Variants in UNC80 observed in about 807,000 individuals in gnomAD.
UNC80 encodes the protein protein unc-80 homolog.
Under a neutral mutation model 384.6 loss-of-function variants are expected in UNC80, and 164 were observed. The observed-to-expected ratio is 0.43, with a 90% CI of 0.38 to 0.49. The LOEUF (loss-of-function observed/expected upper bound fraction) is 0.49. Ranked by LOEUF, UNC80 falls within the 20% of genes least tolerant of loss-of-function variation. UNC80 has a pLI of 0.00. For missense variants in UNC80, 3,330 were observed against 4,143.0 expected (o/e 0.80, Z 5.39); for synonymous variants, 1,486 against 1,527.8 (o/e 0.97, Z 0.64).
chr2:209,807,666 C>G (rs2078994400), intron 7 of UNC80, among the ~76,000 whole-genome samples: 1 of 152,086 alleles, frequency 6.6e-6, no homozygotes, highest in Non-Finnish European at 1.5e-5. Context: ...CCTGGCCTCC[C>G]TCATGTCATT....
intron 59 of UNC80, among the ~76,000 whole-genome samples, chr2:209,981,689 T>C (rs925716787): frequency 9.2e-5 from 14 of 152,258 alleles, no homozygotes; most frequent in Admixed American, 8.5e-4. Context: ...CATTTATTTC[T>C]TAACTTTATA....
At chr2:209,919,109 A>G (rs2089817192) in intron 33 of UNC80, among the ~76,000 whole-genome samples, 2 of 152,210 alleles carry the variant, frequency 1.3e-5, no homozygotes, top group South Asian at 4.1e-4. Flanking sequence ...TCATCATCAC[A>G]GACATCACTC....
intron 23 of UNC80, among the ~76,000 whole-genome samples, chr2:209,873,449 T>C (rs1329886306): frequency 1.3e-5 from 2 of 152,222 alleles, no homozygotes; most frequent in Non-Finnish European, 2.9e-5. Flanking sequence ...TGTGCCTCCT[T>C]TAAGTTGCCT....
chr2:209,911,198 G>A (rs971968563), intron 29 of UNC80, among the ~76,000 whole-genome samples: 1 of 152,016 alleles, frequency 6.6e-6, no homozygotes, highest in Non-Finnish European at 1.5e-5. Context: ...AGAGGTGCCA[G>A]TTTTTAGTAT....
chr2:209,973,929 T>C (rs1233501433), intron 56 of UNC80, among the ~76,000 whole-genome samples: 1 of 152,176 alleles, frequency 6.6e-6, no homozygotes, highest in Non-Finnish European at 1.5e-5. Context: ...TCCCAATCCC[T>C]TTCCCTCTTT....
intron 61 of UNC80, among the ~76,000 whole-genome samples, chr2:209,986,282 A>G (rs950619302): frequency 6.6e-6 from 1 of 152,214 alleles, no homozygotes; most frequent in East Asian, 1.9e-4. Flanking sequence ...AGTAGAGAGT[A>G]TTGAATCAGA....
rs80205513 is a variant in UNC80 at position 209,784,086 on chromosome 2, C to T, written c.601-1980C>T. On this transcript the variant is annotated intron_variant, in intron 4 of 64. Coordinates refer to ENST00000673920, the MANE Select transcript of UNC80 (RefSeq NM_001371986.1). ...TACCTATCTTTCTTAATCGTGAAGC[C>T]AAAAATCCTTGACAACTTTTTCTCT... 7.7e-3 allele frequency among the ~76,000 whole-genome samples: 1,173 copies of T among 152,146 alleles called. 6 individuals carry two copies. Among genetic ancestry groups the T allele is most frequent in the South Asian group, 0.019 (91 of 4,812 alleles).
At chr2:209,842,523 A>G (rs1404045742) in intron 21 of UNC80, 77 bp downstream of exon 21, 1 of 993,436 alleles carries the variant, frequency 1.0e-6, no homozygotes, top group East Asian at 2.6e-5. Flanking sequence ...TAAGTGGTCC[A>G]TTTTCTATTT....
intron 4 of UNC80, among the ~76,000 whole-genome samples, chr2:209,778,257 G>T (rs768126447): frequency 6.6e-6 from 1 of 152,068 alleles, no homozygotes; most frequent in African/African-American, 2.4e-5. Flanking sequence ...ACAAAAATTA[G>T]CCAGGCGTAG....
At chr2:209,866,525 C>CACACACAT (rs1553556885) in intron 22 of UNC80, among the ~76,000 whole-genome samples, 59 of 110,200 alleles carry the variant, frequency 5.4e-4, no homozygotes, top group African/African-American at 2.3e-3. Flanking sequence ...CACACACACA[C>CACACACAT]ACACACACAG....
At position 209,877,295 on chromosome 2, in the gene UNC80, G is replaced by C. The variant is rs530121456; in HGVS notation, c.3841-659G>C. Among the ~76,000 whole-genome samples, 6 of 152,282 alleles carry C rather than the reference G, an allele frequency of 3.9e-5. 1 individual carries two copies. The South Asian group carries it at 1.2e-3, about 32-fold the overall frequency. On this transcript the variant is annotated intron_variant, in intron 23 of 64. Coordinates refer to ENST00000673920, the MANE Select transcript of UNC80 (RefSeq NM_001371986.1). ...TCAATAACAGATAGCAAGGATGTTA[G>C]TTCTAAGAATACCGTGTAAAAACCA...
In UNC80 at chr2:209,976,450, G is replaced by A. The variant is rs114161686; in HGVS notation, c.8772+147G>A. 821 of 1,025,754 alleles carry A rather than the reference G, an allele frequency of 8.0e-4. 7 individuals are homozygous for A. In the African/African-American group the frequency reaches 0.012, roughly 14 times the overall value. The allele number at this position is 1,025,754 out of a possible 1,614,324, so 63.5% of individuals were successfully genotyped here. A position where few individuals can be genotyped will look rare whatever the true frequency, so the allele number is the denominator to read the frequency against. On this transcript the variant is annotated intron_variant, in intron 57 of 64. Transcript: ENST00000673920. The surrounding 1 kb of genome is among the most constrained non-coding windows in gnomAD (Gnocchi z 4.3). ...TAATACCATGCTTGATGAGAAAACC[G>A]CCCAAAAATATATTCCAGAGGATAA...
In UNC80 at chr2:209,970,867, T is replaced by C. The variant is rs199923534; in HGVS notation, c.8166T>C (p.Asp2722=). The change falls in exon 54 of 65, where the codon GAT becomes GAC. Residue 2722 remains aspartate (D), a synonymous_variant. Coordinates refer to ENST00000673920, the MANE Select transcript of UNC80 (RefSeq NM_001371986.1). ...MGVVGPSSVA[D]GLPLLHLSPY... ...TGGTAGGACCTTCCAGTGTTGCTGA[T>C]GGATTACCCCTTCTTCATCTCAGCC... is the stretch of plus-strand genomic sequence containing the variant. 1.4e-4 allele frequency: 213 copies of C among 1,551,632 alleles called. No homozygotes were observed. The highest frequency in any genetic ancestry group is 2.4e-4 in the Admixed American group (12 of 50,984).
At chr2:209,937,242 G>C (rs13409845) in intron 41 of UNC80, among the ~76,000 whole-genome samples, 1 of 152,108 alleles carries the variant, frequency 6.6e-6, no homozygotes, top group Non-Finnish European at 1.5e-5. Context: ...TACGTTGCCC[G>C]TATAATACCT....
chr2:209,898,299 G>GTTA (rs2087009569), intron 28 of UNC80, among the ~76,000 whole-genome samples: 1 of 151,820 alleles, frequency 6.6e-6, no homozygotes, highest in South Asian at 2.1e-4. Context: ...TCTTGACACG[G>GTTA]ATACTCAGAT....
In UNC80 at chr2:209,840,522, G is replaced by C. The variant is rs1221487113; in HGVS notation, c.3251-20G>C. The stretch of plus-strand genomic sequence containing the variant: ...GATAGAAAATGCTACATTGATCTAA[G>C]TGATTTAACTATTAAATAGGGAACT... On this transcript the variant is annotated intron_variant, in intron 19 of 64. Coordinates refer to ENST00000673920, the MANE Select transcript of UNC80 (RefSeq NM_001371986.1). 1 of 1,540,768 alleles carries C rather than the reference G, an allele frequency of 6.5e-7. No individual in the cohort carries two copies. Among genetic ancestry groups the C allele is most frequent in the Non-Finnish European group, 8.8e-7 (1 of 1,137,294 alleles).
rs1362651339 is a variant in UNC80 at position 209,995,557 on chromosome 2, G to A, written c.9937G>A (p.Gly3313Arg). ...GTTCACCTTTACTCCCACTGAGCTG[G>A]GGAAAACGGATGCAGTATTAGATGA... The part of the protein sequence containing the change: ...SQFTFTPTEL[G>R]KTDAVLDESH... The change falls in exon 65 of 65, where the codon GGG becomes AGG. Residue 3313 changes from glycine (G) to arginine (R), a missense_variant. Physicochemically the swap from Gly to Arg is moderately radical, Grantham distance 125. Transcript: ENST00000673920. 5 of 1,552,030 alleles carry A rather than the reference G, an allele frequency of 3.2e-6. No homozygotes were observed. The highest frequency in any genetic ancestry group is 1.4e-5 in the African/African-American group (1 of 73,152).
At chr2:209,805,707 A>C (rs2078850833) in intron 7 of UNC80, among the ~76,000 whole-genome samples, 1 of 151,852 alleles carries the variant, frequency 6.6e-6, no homozygotes, top group African/African-American at 2.4e-5. Flanking sequence ...TTTATAACCT[A>C]ATCTTCTATA....
At chr2:209,803,682 A>G (rs536799249) in intron 7 of UNC80, among the ~76,000 whole-genome samples, 7 of 152,238 alleles carry the variant, frequency 4.6e-5, no homozygotes, top group African/African-American at 1.4e-4. Context: ...CTCCAACCTC[A>G]TAGTCACTGG....
Sources: allele counts gnomAD v4.1 joint callset (sites outside exome capture counted in the v4.1 genomes callset), GRCh38; gene constraint gnomAD v4.1.1; non-coding constraint Gnocchi (gnomAD v3.1); transcripts MANE v1.5; gene names NCBI Gene and HGNC (gene_info 2026-07-23, HGNC 2026-07-21).